ZPBP: variants seen among roughly 807,000 people sequenced by gnomAD.
ZPBP encodes the protein zona pellucida binding protein.
A neutral mutation model predicts 44.8 loss-of-function variants in ZPBP; 26 were observed. The observed-to-expected ratio is 0.58, with a 90% CI of 0.43 to 0.81. The LOEUF is 0.81. Ranked by LOEUF, ZPBP falls within the 30% of genes least tolerant of loss-of-function variation. The pLI is 0.00. For synonymous variants in ZPBP, 174 were observed against 153.2 expected, an observed-to-expected ratio of 1.14 and a Z score of -1.00; for missense variants, 409 against 434.0, an observed-to-expected ratio of 0.94 and a Z score of 0.51.
At chr7:49,924,603 AAGG>A (rs1794157378) in intron 1 of ZPBP, among the ~76,000 whole-genome samples, 1 of 152,152 alleles carries the variant, frequency 6.6e-6, no homozygotes, top group Non-Finnish European at 1.5e-5. Flanking sequence ...GCCAAGGTCA[AAGG>A]AGAAGTCATA....
chr7:49,977,059 G>A (rs949070947), intron 7 of ZPBP, among the ~76,000 whole-genome samples: 3 of 150,832 alleles, frequency 2.0e-5, no homozygotes, highest in Non-Finnish European at 4.4e-5. Flanking sequence ...CCGAGATCCC[G>A]CCACTGCACT....
chr7:50,037,299 G>GA (rs1799869311), intron 4 of ZPBP, among the ~76,000 whole-genome samples: 2 of 152,118 alleles, frequency 1.3e-5, no homozygotes, highest in African/African-American at 2.4e-5. Context: ...TAAGGGCATA[G>GA]AAAAAATAAA....
chr7:50,060,045 G>A (rs1312010541), intron 3 of ZPBP, among the ~76,000 whole-genome samples: 1 of 152,094 alleles, frequency 6.6e-6, no homozygotes, highest in East Asian at 1.9e-4. Context: ...ACCGTCACAG[G>A]GTACACAAGC....
At chr7:49,853,340 C>T (rs1461813628) in intron 2 of ZPBP, among the ~76,000 whole-genome samples, 2 of 152,238 alleles carry the variant, frequency 1.3e-5, no homozygotes, top group Non-Finnish European at 2.9e-5. Flanking sequence ...CTGTCCCTCC[C>T]CAGGCCCAGG....
At chr7:49,958,883 C>T (rs1030611237) in intron 7 of ZPBP, among the ~76,000 whole-genome samples, 1 of 151,858 alleles carries the variant, frequency 6.6e-6, no homozygotes. Flanking sequence ...CCAGCATAAC[C>T]GTAATCCAAA....
chr7:49,980,076 ATATAATATAATTTTATATTATATATAAT>A (rs1796747007), intron 7 of ZPBP, among the ~76,000 whole-genome samples: 3 of 12,062 alleles, frequency 2.5e-4, no homozygotes, highest in African/African-American at 3.7e-4. Flanking sequence ...ATTATAATAT[ATATAATATAATTTTATATTATATATAAT>A]TATAATATAA....
intron 6 of ZPBP, among the ~76,000 whole-genome samples, chr7:50,015,697 T>TAAATC (rs3034423): frequency 0.79 from 120,053 of 151,466 alleles, 47,696 homozygotes; most frequent in East Asian, 0.87. Context: ...ATGAAGTACT[T>TAAATC]AACAAGCAAA....
chr7:50,021,773 G>A (rs1799104175), intron 5 of ZPBP, among the ~76,000 whole-genome samples: 1 of 152,054 alleles, frequency 6.6e-6, no homozygotes, highest in African/African-American at 2.4e-5. Context: ...AGAGATACTG[G>A]GTGGTGGTGT....
chr7:49,868,993 G>A (rs192274354), intron 2 of ZPBP, among the ~76,000 whole-genome samples: 213 of 152,270 alleles, frequency 1.4e-3, no homozygotes, highest in Non-Finnish European at 2.0e-3. Flanking sequence ...TCCAGAGTAC[G>A]GTTTCTGAAG....
chr7:49,843,231 T>A, the ZPBP span, among the ~76,000 whole-genome samples: 461 of 152,324 alleles, frequency 3.0e-3, no homozygotes, highest in African/African-American at 0.011. Flanking sequence ...TCCAATATTC[T>A]GCCATACTCA....
chr7:50,053,602 T>C (rs1285317109), intron 4 of ZPBP, among the ~76,000 whole-genome samples: 1 of 152,200 alleles, frequency 6.6e-6, no homozygotes, highest in African/African-American at 2.4e-5. Flanking sequence ...TTTTGAATTT[T>C]TGTTAATATA....
intron 3 of ZPBP, among the ~76,000 whole-genome samples, chr7:50,070,128 C>T (rs532102835): frequency 1.3e-5 from 2 of 152,258 alleles, no homozygotes; most frequent in African/African-American, 2.4e-5. Context: ...TCAGACTAAA[C>T]GAGTGTCTCT....
intron 2 of ZPBP, among the ~76,000 whole-genome samples, chr7:49,870,155 C>T (rs575685862): frequency 1.1e-4 from 17 of 152,198 alleles, no homozygotes; most frequent in Non-Finnish European, 2.2e-4. Flanking sequence ...AATCCCAGCA[C>T]TTTGGGAGAC....
At chr7:49,923,959 A>T (rs545090983) in intron 1 of ZPBP, among the ~76,000 whole-genome samples, 1 of 152,268 alleles carries the variant, frequency 6.6e-6, no homozygotes, top group Non-Finnish European at 1.5e-5. Context: ...CCCCGTCTCT[A>T]CAAAAATACA....
At chr7:49,908,506 A>C (rs1793224947) in intron 1 of ZPBP, among the ~76,000 whole-genome samples, 1 of 152,196 alleles carries the variant, frequency 6.6e-6, no homozygotes, top group African/African-American at 2.4e-5. Context: ...CAAATCTAAG[A>C]GGAAAATTTT....
At chr7:49,904,753 T>TTG (rs397706147) in intron 1 of ZPBP, among the ~76,000 whole-genome samples, 3 of 151,032 alleles carry the variant, frequency 2.0e-5, no homozygotes, top group Non-Finnish European at 4.4e-5. Flanking sequence ...TTTTTTTTTT[T>TTG]GAGATGGAGT....
At chr7:50,059,811 A>G (rs1801157038) in intron 3 of ZPBP, among the ~76,000 whole-genome samples, 1 of 152,130 alleles carries the variant, frequency 6.6e-6, no homozygotes, top group Admixed American at 6.5e-5. Context: ...ACAATCTGTA[A>G]TAAAATGCCC....
At chr7:49,930,380 C>T (rs959372502) in intron 1 of ZPBP, among the ~76,000 whole-genome samples, 2 of 152,194 alleles carry the variant, frequency 1.3e-5, no homozygotes, top group African/African-American at 4.8e-5. Context: ...CAGTAACTCA[C>T]AAACTCCGGC....
intron 3 of ZPBP, among the ~76,000 whole-genome samples, chr7:50,062,597 G>A (rs774169140): frequency 2.0e-5 from 3 of 151,994 alleles, no homozygotes; most frequent in Non-Finnish European, 4.4e-5. Context: ...TTCAATAAAC[G>A]GTTCTGGAAT....
Sources: allele counts gnomAD v4.1 joint callset (sites outside exome capture counted in the v4.1 genomes callset), GRCh38; gene constraint gnomAD v4.1.1; transcripts MANE v1.5; gene names NCBI Gene and HGNC (gene_info 2026-07-23, HGNC 2026-07-21).